Variants in FAM13A observed in about 807,000 individuals in gnomAD.
FAM13A encodes the protein protein FAM13A.
Under a neutral mutation model 129.6 loss-of-function variants are expected in FAM13A, and 76 were observed. That is an observed-to-expected ratio of 0.59 (90% CI 0.49 to 0.71). FAM13A has a LOEUF of 0.71. FAM13A is among the 30% of genes least tolerant of loss of function. FAM13A has a pLI of 0.00. For synonymous variants in FAM13A, 443 were observed against 449.9 expected (o/e 0.98, Z 0.20); for missense variants, 1,108 against 1,249.3 (o/e 0.89, Z 1.70).
chr4:88,767,637 C>A, intron 12 of FAM13A, 42 bp from the exon 13 acceptor site: 1 of 1,466,542 alleles, frequency 6.8e-7, no homozygotes, highest in South Asian at 1.2e-5. Flanking sequence ...AAAATATCTA[C>A]TTGTTTTATA....
chr4:88,961,520 A>C (rs1390161778), intron 4 of FAM13A, among the ~76,000 whole-genome samples: 2 of 151,790 alleles, frequency 1.3e-5, no homozygotes, highest in Non-Finnish European at 2.9e-5. Flanking sequence ...GGCGTGCACC[A>C]CAATGCCCGG....
At chr4:88,761,700 G>C (rs546196515) in intron 13 of FAM13A, among the ~76,000 whole-genome samples, 1 of 152,174 alleles carries the variant, frequency 6.6e-6, no homozygotes, top group East Asian at 1.9e-4. Flanking sequence ...GTAGATGCTG[G>C]ACTGTGAAAG....
intron 1 of FAM13A, among the ~76,000 whole-genome samples, chr4:89,048,646 C>T (rs1219532726): frequency 2.6e-5 from 4 of 151,974 alleles, no homozygotes; most frequent in Non-Finnish European, 5.9e-5. Context: ...GGTAACTTCC[C>T]GTCAAAATAA....
intron 8 of FAM13A, 84 bp from the exon 9 acceptor site, chr4:88,790,711 G>A: frequency 8.6e-7 from 1 of 1,167,304 alleles, no homozygotes; most frequent in South Asian, 1.3e-5. Context: ...ATCGCAGGCT[G>A]AAAGAAATTA....
At chr4:88,876,861 G>C (rs943869314) in intron 6 of FAM13A, among the ~76,000 whole-genome samples, 2 of 152,204 alleles carry the variant, frequency 1.3e-5, no homozygotes, top group Admixed American at 6.5e-5. Context: ...AAAGTGCTGG[G>C]ATTACAGGCG....
chr4:88,938,225 C>G lies in FAM13A; in HGVS notation c.622G>C (p.Glu208Gln), dbSNP rs766553735. The G allele has an allele frequency of 1.2e-6, 2 of 1,608,924 alleles. No homozygotes were observed. Among genetic ancestry groups the G allele is most frequent in the Non-Finnish European group, 1.7e-6 (2 of 1,178,266 alleles). The change falls in exon 5 of 24, where the codon GAA becomes CAA. Residue 208 changes from glutamate (E) to glutamine (Q), a missense_variant. Around this residue, in one of 3 missense-constraint regions of FAM13A, gnomAD observed 566 missense variants for 595.7 expected, o/e 0.95. Coordinates refer to ENST00000264344, the MANE Select transcript of FAM13A (RefSeq NM_014883.4). ...CACAGGTCCTGTTCCTTCATGCCTT[C>G]AAGCCCAGGTGGCACACTAGAAACA... is the stretch of plus-strand genomic sequence containing the variant. Reference protein sequence around the residue: ...PNCFHVPPGLEGMKEQDLCNK... With the variant: ...PNCFHVPPGLQGMKEQDLCNK...
rs1018671294 is a variant in FAM13A at position 88,824,005 on chromosome 4, AT to A, written c.1008-18954del. Among the ~76,000 whole-genome samples the A allele has an allele frequency of 1.5e-4, 23 of 151,146 alleles. No homozygotes were observed. The East Asian group carries it at 1.9e-3, about 13-fold the overall frequency. On this transcript the variant is annotated intron_variant, in intron 7 of 23. Coordinates refer to ENST00000264344, the MANE Select transcript of FAM13A (RefSeq NM_014883.4). ...TTTGGGGGGGTTGCTTTTTATTTTT[AT>A]TTTTTTTTATAGGTAACACAAAATC...
intron 5 of FAM13A, among the ~76,000 whole-genome samples, chr4:88,908,248 A>T (rs754404238): frequency 3.3e-5 from 5 of 152,220 alleles, no homozygotes; most frequent in Non-Finnish European, 7.3e-5. Context: ...CTTCTGACTC[A>T]CTGTGAGAGG....
chr4:88,762,734 C>G (rs1457882717), intron 13 of FAM13A, among the ~76,000 whole-genome samples: 1 of 152,074 alleles, frequency 6.6e-6, no homozygotes, highest in East Asian at 1.9e-4. Context: ...TCCATCCTCT[C>G]TAACAGGGCT....
chr4:88,787,663 G>T, intron 10 of FAM13A, 90 bp downstream of exon 10: 1 of 1,191,136 alleles, frequency 8.4e-7, no homozygotes, highest in Non-Finnish European at 1.2e-6. Context: ...AGGACCAGGA[G>T]GTATGACTAT....
chr4:88,965,758 C>T (rs1458191352), intron 4 of FAM13A, among the ~76,000 whole-genome samples: 2 of 152,176 alleles, frequency 1.3e-5, no homozygotes, highest in South Asian at 2.1e-4. Context: ...CACCATTCTA[C>T]CGTTTCTGTG....
Position 88,991,138 on chromosome 4 carries a change from T to A in FAM13A, c.440A>T (p.Asp147Val), listed in dbSNP as rs750055167. ...GTCTCTTAAGCTACTCTCCTGAACA[T>A]CATTTCTGCCATCTGGAAAAAAAAA... Reference protein sequence around the residue: ...FIQLFQDGRNDVQESSLRDLI... With the variant: ...FIQLFQDGRNVVQESSLRDLI... The change falls in exon 4 of 24, where the codon GAT (aspartate) becomes GTT (valine). Residue 147 changes from aspartate (D) to valine (V), a missense_variant. Physicochemically the swap from Asp to Val is radical, Grantham distance 152 (BLOSUM62 -3). Coordinates refer to ENST00000264344, the MANE Select transcript of FAM13A (RefSeq NM_014883.4). 5.0e-6 allele frequency: 8 copies of A among 1,610,340 alleles called. 1 individual carries two copies. The South Asian group carries it at 8.9e-5, about 18-fold the overall frequency.
chr4:88,843,818 C>G (rs2061400), intron 7 of FAM13A, among the ~76,000 whole-genome samples: 12 of 152,172 alleles, frequency 7.9e-5, no homozygotes, highest in Non-Finnish European at 1.8e-4. Flanking sequence ...ATGAATTTCT[C>G]CCAGAGAGAT....
At chr4:88,993,094 T>C (rs1253892132) in intron 3 of FAM13A, among the ~76,000 whole-genome samples, 4 of 152,202 alleles carry the variant, frequency 2.6e-5, no homozygotes, top group African/African-American at 9.6e-5. Flanking sequence ...TCAAGTCATT[T>C]CTGGGGTGAG....
At chr4:88,858,234 G>C (rs551494931) in intron 6 of FAM13A, among the ~76,000 whole-genome samples, 1 of 152,278 alleles carries the variant, frequency 6.6e-6, no homozygotes, top group East Asian at 1.9e-4. Context: ...CATGGTAGTA[G>C]GGTGAGGTTT....
At chr4:89,054,298 GACACAC>G (rs57198448) in intron 1 of FAM13A, among the ~76,000 whole-genome samples, 1 of 149,826 alleles carries the variant, frequency 6.7e-6, no homozygotes, top group African/African-American at 2.4e-5. Context: ...GATACACACA[GACACAC>G]ACACACACAC....
At chr4:88,866,695 GTAAA>G (rs1286787068) in intron 6 of FAM13A, among the ~76,000 whole-genome samples, 1 of 152,052 alleles carries the variant, frequency 6.6e-6, no homozygotes, top group African/African-American at 2.4e-5. Flanking sequence ...TATCATGTAG[GTAAA>G]TATTTAAGGT....
intron 3 of FAM13A, among the ~76,000 whole-genome samples, chr4:88,997,566 AAATTAT>A (rs34350818): frequency 0.51 from 76,868 of 150,252 alleles, 19,488 homozygotes; most frequent in Middle Eastern, 0.62. Context: ...AAAAAAAAAA[AAATTAT>A]AATTATAATC....
chr4:89,013,209 C>T (rs770705575), intron 3 of FAM13A, among the ~76,000 whole-genome samples: 13 of 151,530 alleles, frequency 8.6e-5, no homozygotes, highest in Non-Finnish European at 1.6e-4. Context: ...ACACAGTAAT[C>T]CTTCCTATCT....
Sources: allele counts gnomAD v4.1 joint callset (sites outside exome capture counted in the v4.1 genomes callset), GRCh38; gene constraint gnomAD v4.1.1; regional missense constraint gnomAD v4.1.1; transcripts MANE v1.5; gene names NCBI Gene and HGNC (gene_info 2026-07-23, HGNC 2026-07-21).